Variants in OSBPL10 observed in about 807,000 individuals in gnomAD.
OSBPL10 encodes the protein oxysterol binding protein like 10, also known as oxysterol-binding protein-related protein 10.
In OSBPL10, 49 loss-of-function variants were observed where a neutral mutation model predicts 81.7. The observed-to-expected ratio is 0.60, with a 90% CI of 0.48 to 0.76. The LOEUF is 0.76. Ranked by LOEUF, OSBPL10 falls within the 30% of genes least tolerant of loss-of-function variation. The pLI is 0.00. For synonymous variants in OSBPL10, 419 were observed against 383.6 expected (o/e 1.09, Z -1.08); for missense variants, 923 against 987.8 (o/e 0.93, Z 0.88).
intron 4 of OSBPL10, among the ~76,000 whole-genome samples, chr3:31,824,396 G>A (rs1432188054): frequency 6.6e-6 from 1 of 152,128 alleles, no homozygotes; most frequent in Non-Finnish European, 1.5e-5. Flanking sequence ...AGTCTCTATT[G>A]TTACAGTGTT....
intron 3 of OSBPL10, among the ~76,000 whole-genome samples, chr3:31,842,618 C>T (rs1700527095): frequency 6.6e-6 from 1 of 152,226 alleles, no homozygotes; most frequent in African/African-American, 2.4e-5. Context: ...ACTCTTATCA[C>T]TCCTTGCATG....
chr3:31,769,900 T>A (rs1698324757), intron 4 of OSBPL10, among the ~76,000 whole-genome samples: 1 of 151,600 alleles, frequency 6.6e-6, no homozygotes, highest in Non-Finnish European at 1.5e-5. Flanking sequence ...ATGGATCCCC[T>A]AAGAAGGTTC....
chr3:31,814,553 G>A (rs72861350), intron 4 of OSBPL10, among the ~76,000 whole-genome samples: 56 of 152,254 alleles, frequency 3.7e-4, no homozygotes, highest in African/African-American at 1.2e-3. Flanking sequence ...ACAGGTGCCC[G>A]AAGCTGGAGT....
At chr3:31,857,878 G>C (rs1214383832) in intron 3 of OSBPL10, among the ~76,000 whole-genome samples, 1 of 126,922 alleles carries the variant, frequency 7.9e-6, no homozygotes, top group South Asian at 3.1e-4. Flanking sequence ...GAGAGGGAAA[G>C]GGGGGGAGAG....
Position 31,980,981 on chromosome 3 carries a change from C to T in OSBPL10, c.199G>A (p.Gly67Arg), listed in dbSNP as rs750430465. ...SPGSVAASPS[G>R]GGGRRREPAL... ...GGCTCCCTCCTGCGGCCGCCTCCCC[C>T]GGACGGGCTAGCGGCCACAGAGCCC... The change falls in exon 1 of 12, where the codon GGG (glycine) becomes AGG (arginine). Residue 67 changes from glycine (G) to arginine (R), a missense_variant. Physicochemically the swap from Gly to Arg is moderately radical, Grantham distance 125. Around this residue, in one of 3 missense-constraint regions of OSBPL10, gnomAD observed 514 missense variants for 508.0 expected, o/e 1.01. Coordinates refer to ENST00000396556, the MANE Select transcript of OSBPL10 (RefSeq NM_017784.5). 6.4e-7 allele frequency: 1 copy of T among 1,556,190 alleles called. No individual in the cohort carries two copies.
chr3:31,940,570 C>T (rs1348657234), intron 1 of OSBPL10, among the ~76,000 whole-genome samples: 1 of 152,146 alleles, frequency 6.6e-6, no homozygotes, highest in Non-Finnish European at 1.5e-5. Context: ...ATGGCAAAGG[C>T]CTTTGGGATT....
chr3:31,919,110 C>G (rs965084124), intron 1 of OSBPL10, among the ~76,000 whole-genome samples: 4 of 152,148 alleles, frequency 2.6e-5, no homozygotes, highest in African/African-American at 7.2e-5. Flanking sequence ...ATGCCCTGCC[C>G]AGACCACCTG....
At chr3:31,703,641 T>G (rs1695967496) in intron 6 of OSBPL10, 1 of 152,224 alleles carries the variant, frequency 6.6e-6, no homozygotes, top group African/African-American at 2.4e-5. Flanking sequence ...CTTTCCAACA[T>G]TCCAAAGAGA....
chr3:31,824,374 C>T (rs1459884627), intron 4 of OSBPL10, among the ~76,000 whole-genome samples: 2 of 152,058 alleles, frequency 1.3e-5, no homozygotes, highest in South Asian at 2.1e-4. Context: ...TGTGCTTAAG[C>T]GCCTTGACGT....
intron 3 of OSBPL10, among the ~76,000 whole-genome samples, chr3:31,871,083 A>C (rs1214471433): frequency 6.6e-6 from 1 of 152,144 alleles, no homozygotes; most frequent in African/African-American, 2.4e-5. Context: ...TAAGAGAATA[A>C]AAGCAGGCTG....
At chr3:31,861,972 A>G (rs1168282980) in intron 3 of OSBPL10, among the ~76,000 whole-genome samples, 1 of 152,046 alleles carries the variant, frequency 6.6e-6, no homozygotes, top group East Asian at 1.9e-4. Flanking sequence ...AGGGTAGTAA[A>G]TATTTACAGA....
intron 1 of OSBPL10, among the ~76,000 whole-genome samples, chr3:31,939,838 C>T (rs530251536): frequency 2.6e-5 from 4 of 152,196 alleles, no homozygotes; most frequent in South Asian, 4.1e-4. Context: ...TGGGCTTAAG[C>T]GATCCTCCTG....
intron 4 of OSBPL10, among the ~76,000 whole-genome samples, chr3:31,762,123 CT>C (rs1240782441): frequency 6.6e-6 from 1 of 152,108 alleles, no homozygotes; most frequent in Non-Finnish European, 1.5e-5. Flanking sequence ...GTCCAACTGC[CT>C]AGTTATGATG....
At chr3:31,862,758 G>T (rs759551825) in intron 3 of OSBPL10, among the ~76,000 whole-genome samples, 4 of 152,152 alleles carry the variant, frequency 2.6e-5, no homozygotes, top group Non-Finnish European at 1.5e-5. Context: ...TAGTATGGCT[G>T]CTATACTAAC....
At chr3:32,010,248 G>A (rs1033684402) in intron 2 of OSBPL10, among the ~76,000 whole-genome samples, 1 of 152,124 alleles carries the variant, frequency 6.6e-6, no homozygotes, top group Admixed American at 6.5e-5. Context: ...GAGAGAGGCT[G>A]CAGGAGAAAC....
At chr3:31,865,761 G>T (rs1701164457) in intron 3 of OSBPL10, among the ~76,000 whole-genome samples, 1 of 152,200 alleles carries the variant, frequency 6.6e-6, no homozygotes, top group Admixed American at 6.5e-5. Context: ...GAGGTATTCA[G>T]TGTCATTTGT....
chr3:31,688,100 A>G (rs1700838987), intron 7 of OSBPL10, among the ~76,000 whole-genome samples: 1 of 151,920 alleles, frequency 6.6e-6, no homozygotes, highest in Non-Finnish European at 1.5e-5. Flanking sequence ...AGGGCGTAGG[A>G]GGCGTGGCTC....
At chr3:31,913,020 C>CCA (rs1696634614) in intron 1 of OSBPL10, among the ~76,000 whole-genome samples, 1 of 152,056 alleles carries the variant, frequency 6.6e-6, no homozygotes, top group Admixed American at 6.5e-5. Flanking sequence ...ACACATATAC[C>CCA]CACACACCCG....
chr3:31,810,186 T>C (rs1575559537), intron 4 of OSBPL10, among the ~76,000 whole-genome samples: 1 of 152,108 alleles, frequency 6.6e-6, no homozygotes, highest in Non-Finnish European at 1.5e-5. Flanking sequence ...TGACTCTTTA[T>C]ACCAAATTTC....
Sources: allele counts gnomAD v4.1 joint callset (sites outside exome capture counted in the v4.1 genomes callset), GRCh38; gene constraint gnomAD v4.1.1; regional missense constraint gnomAD v4.1.1; transcripts MANE v1.5; gene names NCBI Gene and HGNC (gene_info 2026-07-23, HGNC 2026-07-21).